Variants in RSRC1 observed in about 807,000 individuals in gnomAD.
RSRC1 encodes arginine and serine rich coiled-coil 1, also known as serine/Arginine-related protein 53.
A neutral mutation model predicts 49.1 loss-of-function variants in RSRC1; 39 were observed. That is an observed-to-expected ratio of 0.79 (90% CI 0.61 to 1.04). RSRC1 has a LOEUF of 1.04. Among genes scored for constraint, RSRC1 ranks in the 50% least tolerant of loss-of-function variants. The probability of loss-of-function intolerance (pLI) is 0.00; values close to 1 mark genes in which losing one functional copy is unlikely to be tolerated. For missense variants in RSRC1, 388 were observed against 402.4 expected (o/e 0.96, Z 0.31); for synonymous variants, 143 against 130.8 (o/e 1.09, Z -0.63).
intron 4 of RSRC1, among the ~76,000 whole-genome samples, chr3:158,260,777 TC>T (rs1486151769): frequency 1.3e-5 from 2 of 152,206 alleles, no homozygotes; most frequent in African/African-American, 4.8e-5. Context: ...CTATGGCTGG[TC>T]CAAATGTTCT....
intron 1 of RSRC1, among the ~76,000 whole-genome samples, chr3:158,111,486 A>G (rs975089249): frequency 3.5e-4 from 54 of 152,222 alleles, no homozygotes; most frequent in African/African-American, 1.3e-3. Flanking sequence ...TGTTCAAACC[A>G]TTGGGGATAA....
At chr3:158,259,058 C>G (rs1724736937) in intron 4 of RSRC1, among the ~76,000 whole-genome samples, 1 of 152,022 alleles carries the variant, frequency 6.6e-6, no homozygotes, top group South Asian at 2.1e-4. Flanking sequence ...GCTGGTGGTA[C>G]CTTGTTGAGT....
intron 3 of RSRC1, among the ~76,000 whole-genome samples, chr3:158,194,984 A>G (rs1024857339): frequency 1.3e-5 from 2 of 152,176 alleles, no homozygotes; most frequent in Admixed American, 1.3e-4. Flanking sequence ...TTATAGCAGC[A>G]TGATTTATAA....
chr3:158,266,817 G>A (rs186905604), intron 4 of RSRC1, among the ~76,000 whole-genome samples: 58 of 151,776 alleles, frequency 3.8e-4, no homozygotes, highest in Non-Finnish European at 7.4e-4. Flanking sequence ...GTATGATCTC[G>A]GCTCCTCCAA....
intron 4 of RSRC1, among the ~76,000 whole-genome samples, chr3:158,285,486 A>G (rs1256572138): frequency 6.6e-6 from 1 of 152,120 alleles, no homozygotes; most frequent in African/African-American, 2.4e-5. Flanking sequence ...TCCTTGGGCT[A>G]TGGCCATTTT....
chr3:158,455,849 G>A (rs542830396), intron 6 of RSRC1, among the ~76,000 whole-genome samples: 1 of 151,736 alleles, frequency 6.6e-6, no homozygotes, highest in African/African-American at 2.4e-5. Flanking sequence ...GCATGGTGGT[G>A]CATGCCTGTA....
chr3:158,523,516 T>G (rs1188187045), intron 7 of RSRC1, among the ~76,000 whole-genome samples: 2 of 152,000 alleles, frequency 1.3e-5, no homozygotes, highest in Admixed American at 6.6e-5. Flanking sequence ...CAATGGAAGC[T>G]CCATCAAGGT....
At chr3:158,504,569 G>A (rs965504350) in intron 7 of RSRC1, among the ~76,000 whole-genome samples, 1 of 152,134 alleles carries the variant, frequency 6.6e-6, no homozygotes, top group Admixed American at 6.5e-5. Flanking sequence ...TACTCACTGG[G>A]TACTGAGTGG....
chr3:158,307,815 A>T (rs1411368659), intron 5 of RSRC1, among the ~76,000 whole-genome samples: 1 of 151,774 alleles, frequency 6.6e-6, no homozygotes, highest in Admixed American at 6.6e-5. Context: ...TATGTATATG[A>T]AACTAATATA....
intron 1 of RSRC1, among the ~76,000 whole-genome samples, chr3:158,114,398 A>G (rs1336014521): frequency 1.3e-5 from 2 of 152,196 alleles, no homozygotes; most frequent in Non-Finnish European, 2.9e-5. Context: ...TGGCTACTGT[A>G]GCCTGGTAGT....
At chr3:158,179,891 T>C (rs886648806) in intron 3 of RSRC1, among the ~76,000 whole-genome samples, 13 of 152,200 alleles carry the variant, frequency 8.5e-5, no homozygotes, top group Non-Finnish European at 1.6e-4. Context: ...TGTCCACCAA[T>C]ATTTGACATT....
chr3:158,542,770 A>T (rs752714324), intron 8 of RSRC1, among the ~76,000 whole-genome samples: 4 of 152,200 alleles, frequency 2.6e-5, no homozygotes, highest in Non-Finnish European at 5.9e-5. Flanking sequence ...CTCCATGGAT[A>T]TGTGAAAAGC....
intron 6 of RSRC1, among the ~76,000 whole-genome samples, chr3:158,429,113 G>A (rs1023667274): frequency 1.3e-5 from 2 of 151,784 alleles, no homozygotes; most frequent in Non-Finnish European, 2.9e-5. Context: ...CATTATTAGA[G>A]GCACAGCCCA....
chr3:158,459,294 G>T (rs926641756), intron 6 of RSRC1, among the ~76,000 whole-genome samples: 1 of 152,112 alleles, frequency 6.6e-6, no homozygotes, highest in African/African-American at 2.4e-5. Context: ...AACTAGCATA[G>T]TGAAATAGAT....
In RSRC1 at chr3:158,409,003, A is replaced by C. The variant is rs1333736238; in HGVS notation, c.584-51932A>C. ...AGCCGAGATCACGCTACTGCACTCC[A>C]GCCTGGGCAACAAGACAAGATTCCG... On this transcript the variant is annotated intron_variant, in intron 6 of 9. Coordinates refer to ENST00000611884, the MANE Select transcript of RSRC1 (RefSeq NM_001271838.2). Among the ~76,000 whole-genome samples, 3 of 152,086 alleles carry C rather than the reference A, an allele frequency of 2.0e-5. No homozygotes were observed. In the East Asian group the frequency reaches 5.8e-4, roughly 29 times the overall value.
chr3:158,506,374 G>C (rs1034170631), intron 7 of RSRC1, among the ~76,000 whole-genome samples: 3 of 152,106 alleles, frequency 2.0e-5, no homozygotes, highest in Admixed American at 6.6e-5. Context: ...CCAGGAATTT[G>C]AGGCCAGCAT....
At chr3:158,376,622 T>G (rs749562656) in intron 6 of RSRC1, among the ~76,000 whole-genome samples, 13 of 152,202 alleles carry the variant, frequency 8.5e-5, no homozygotes, top group Non-Finnish European at 1.9e-4. Flanking sequence ...GTAACTACAG[T>G]AGTCATAGGG....
chr3:158,460,227 G>T (rs570387601), intron 6 of RSRC1, among the ~76,000 whole-genome samples: 1 of 151,838 alleles, frequency 6.6e-6, no homozygotes, highest in East Asian at 1.9e-4. Context: ...AAGGAGAATC[G>T]CTCCTTTGAG....
rs199953715 is a variant in RSRC1, at chr3:158,242,717, G to GT, written c.494+39481dup. Among the ~76,000 whole-genome samples, 64 of 149,724 alleles carry GT rather than the reference G, an allele frequency of 4.3e-4. 1 individual carries two copies. The South Asian group carries it at 0.011, about 27-fold the overall frequency. On this transcript the variant is annotated intron_variant, in intron 4 of 9. Coordinates refer to ENST00000611884, the MANE Select transcript of RSRC1 (RefSeq NM_001271838.2). Reference sequence around the variant, plus strand: ...CACAACCTCGCCAGCTTCTGTTTTTGTTTTTTTTTCCCCCCTTTTAATAAG... The same window carrying GT: ...CACAACCTCGCCAGCTTCTGTTTTTGTTTTTTTTTTCCCCCCTTTTAATAAG...
Sources: gnomAD v4.1 joint callset for allele counts (sites outside exome capture counted in the v4.1 genomes callset) on GRCh38, gnomAD v4.1.1 for gene constraint, MANE v1.5 for transcripts, NCBI Gene and HGNC (gene_info 2026-07-23, HGNC 2026-07-21) for gene names.